Variants in TLN2 observed in about 807,000 individuals in gnomAD.
TLN2 encodes the protein talin 2.
A neutral mutation model predicts 294.7 loss-of-function variants in TLN2; 118 were observed. The observed-to-expected ratio is 0.40, with a 90% CI of 0.34 to 0.47. TLN2 has a LOEUF of 0.47. Among genes scored for constraint, TLN2 ranks in the 20% least tolerant of loss-of-function variants. TLN2 has a pLI of 0.84. For missense variants in TLN2, 3,083 were observed against 3,282.2 expected (o/e 0.94, Z 1.48); for synonymous variants, 1,431 against 1,304.5 (o/e 1.10, Z -2.09).
At chr15:62,456,113 A>G (rs1486426182) in intron 1 of TLN2, among the ~76,000 whole-genome samples, 1 of 151,748 alleles carries the variant, frequency 6.6e-6, no homozygotes, top group African/African-American at 2.4e-5. Flanking sequence ...CCAAGGGGAC[A>G]AGTGACAAGT....
At chr15:62,495,317 A>G in intron 1 of TLN2, among the ~76,000 whole-genome samples, 1 of 152,198 alleles carries the variant, frequency 6.6e-6, no homozygotes, top group East Asian at 1.9e-4. Context: ...TGAGTGATCC[A>G]CTGATGGTTG....
chr15:62,749,435 G>A (rs948660439), intron 33 of TLN2, among the ~76,000 whole-genome samples: 11 of 152,226 alleles, frequency 7.2e-5, no homozygotes, highest in Non-Finnish European at 1.5e-4. Context: ...CCAGTACTCC[G>A]TCCCTTATTG....
At chr15:62,700,571 C>G (rs1595712286) in intron 16 of TLN2, among the ~76,000 whole-genome samples, 2 of 152,288 alleles carry the variant, frequency 1.3e-5, no homozygotes, top group South Asian at 4.2e-4. Context: ...CAACCCATCC[C>G]CTCATCTTAC....
intron 1 of TLN2, among the ~76,000 whole-genome samples, chr15:62,484,717 G>C (rs1329545818): frequency 6.6e-6 from 1 of 152,116 alleles, no homozygotes; most frequent in Non-Finnish European, 1.5e-5. Context: ...GAGCCACCAC[G>C]CCTGGCTGGA....
rs1371719356 is a variant in TLN2 at position 62,534,100 on chromosome 15, AC to A, written c.-237-55586del. On this transcript the variant is annotated intron_variant, in intron 1 of 58. Coordinates refer to ENST00000636159, the MANE Select transcript of TLN2 (RefSeq NM_015059.3). ...GCCTGAGGATCTGCATTTCCAACAGACTCCCAGGTCTAGTGTGTAGGGATTT... is the reference window on the plus strand; with the variant it reads ...GCCTGAGGATCTGCATTTCCAACAGATCCCAGGTCTAGTGTGTAGGGATTT... 2.6e-5 allele frequency among the ~76,000 whole-genome samples: 4 copies of A among 151,634 alleles called. No individual in the cohort carries two copies. The East Asian group carries it at 7.8e-4, about 29-fold the overall frequency.
intron 1 of TLN2, among the ~76,000 whole-genome samples, chr15:62,416,870 A>G (rs893153319): frequency 6.6e-6 from 1 of 152,094 alleles, no homozygotes; most frequent in African/African-American, 2.4e-5. Flanking sequence ...CAGGATTCTC[A>G]CCTGAAAAAT....
At chr15:62,823,907 C>T (rs762295079) in intron 54 of TLN2, 5 of 507,900 alleles carry the variant, frequency 9.8e-6, no homozygotes, top group Non-Finnish European at 1.6e-5. Flanking sequence ...CAGCCGTAAC[C>T]TTCAATACTG....
chr15:62,631,381 C>T (rs1262961286), intron 3 of TLN2, among the ~76,000 whole-genome samples: 1 of 152,202 alleles, frequency 6.6e-6, no homozygotes, highest in Non-Finnish European at 1.5e-5. Flanking sequence ...TCTTCTCTAG[C>T]ACAAATAATC....
At chr15:62,644,394 T>C (rs1037385532) in intron 3 of TLN2, 3 of 423,292 alleles carry the variant, frequency 7.1e-6, no homozygotes, top group Non-Finnish European at 9.5e-6. Flanking sequence ...CAGGGCTGAG[T>C]CATTACTGCT....
chr15:62,539,265 T>A (rs2041536096), intron 1 of TLN2, among the ~76,000 whole-genome samples: 1 of 151,922 alleles, frequency 6.6e-6, no homozygotes, highest in Non-Finnish European at 1.5e-5. Flanking sequence ...ATGTTGGGAG[T>A]GGGAGAAGGT....
chr15:62,487,818 G>A (rs1372512384), intron 1 of TLN2, among the ~76,000 whole-genome samples: 2 of 152,062 alleles, frequency 1.3e-5, no homozygotes, highest in African/African-American at 2.4e-5. Context: ...CAGGAGAATG[G>A]CATGAACCTG....
At chr15:62,591,934 C>G (rs16945344) in intron 2 of TLN2, among the ~76,000 whole-genome samples, 8,899 of 152,194 alleles carry the variant, frequency 0.058, 398 homozygotes, top group African/African-American at 0.12. Flanking sequence ...GTGGTCCAAT[C>G]TGGCTAAAAG....
rs373153094 is a variant in TLN2, at chr15:62,755,511, A to G, written c.4477-21A>G. On this transcript the variant is annotated intron_variant, in intron 36 of 58. Coordinates refer to ENST00000636159, the MANE Select transcript of TLN2 (RefSeq NM_015059.3). ...TGCACTGTAGCATGGGGTACCCCCAACCTAGCTCCATGCTTTGTAGGTCCT... is the reference window on the plus strand; with the variant it reads ...TGCACTGTAGCATGGGGTACCCCCAGCCTAGCTCCATGCTTTGTAGGTCCT... 7 of 1,612,800 alleles carry G rather than the reference A, an allele frequency of 4.3e-6. No homozygotes were observed. In the Middle Eastern group the frequency reaches 8.2e-4, roughly 190 times the overall value.
intron 3 of TLN2, among the ~76,000 whole-genome samples, chr15:62,639,383 A>G (rs2050746178): frequency 6.6e-6 from 1 of 152,172 alleles, no homozygotes; most frequent in Non-Finnish European, 1.5e-5. Flanking sequence ...TGGAATTCTT[A>G]CTGACCTGTG....
At chr15:62,517,164 G>A (rs537979166) in intron 1 of TLN2, among the ~76,000 whole-genome samples, 14 of 152,288 alleles carry the variant, frequency 9.2e-5, no homozygotes, top group African/African-American at 1.4e-4. Flanking sequence ...AACCTTCGCC[G>A]TTCCTCCCAC....
chr15:62,736,071 G>C (rs1433621863), intron 28 of TLN2, among the ~76,000 whole-genome samples: 1 of 152,152 alleles, frequency 6.6e-6, no homozygotes, highest in Non-Finnish European at 1.5e-5. Context: ...CCAGCACTTT[G>C]GGAGGCCGAG....
At chr15:62,402,932 A>G (rs1388579178) in intron 1 of TLN2, among the ~76,000 whole-genome samples, 1 of 152,126 alleles carries the variant, frequency 6.6e-6, no homozygotes, top group African/African-American at 2.4e-5. Flanking sequence ...ATGCAGTAGT[A>G]CCTGTCATCT....
intron 16 of TLN2, among the ~76,000 whole-genome samples, chr15:62,700,591 T>G (rs546510893): frequency 2.6e-5 from 4 of 152,232 alleles, no homozygotes; most frequent in African/African-American, 9.6e-5. Context: ...CCAGGAAAGG[T>G]CTTACCGTCT....
At chr15:62,472,988 A>C (rs1436866486) in intron 1 of TLN2, among the ~76,000 whole-genome samples, 1 of 152,180 alleles carries the variant, frequency 6.6e-6, no homozygotes, top group Non-Finnish European at 1.5e-5. Context: ...AGGTGCCTTA[A>C]TGAGACTGTT....
Sources: gnomAD v4.1 joint callset for allele counts (sites outside exome capture counted in the v4.1 genomes callset) on GRCh38, gnomAD v4.1.1 for gene constraint, MANE v1.5 for transcripts, NCBI Gene and HGNC (gene_info 2026-07-23, HGNC 2026-07-21) for gene names.